Variants in BORCS5 observed in about 807,000 individuals in gnomAD.
BORCS5 encodes the protein BLOC-1-related complex subunit 5.
Under a neutral mutation model 22.1 loss-of-function variants are expected in BORCS5, and 17 were observed. The observed-to-expected ratio is 0.77, with a 90% CI of 0.53 to 1.15. The LOEUF (loss-of-function observed/expected upper bound fraction) is 1.15. Ranked by LOEUF, BORCS5 falls within the 50% of genes most tolerant of loss-of-function variation. The pLI is 0.00. For synonymous variants in BORCS5, 117 were observed against 99.8 expected (o/e 1.17, Z -1.03); for missense variants, 247 against 253.2 (o/e 0.98, Z 0.17).
rs141839535 is a variant in BORCS5, at chr12:12,375,720, A to G, written c.202+14371A>G. ...GAAAGCCAGTGAAATGCAAAGTGAC[A>G]TTTTAAAGAATGCACTTGGATAGAT... On this transcript the variant is annotated intron_variant, in intron 2 of 3. Coordinates refer to ENST00000314565, the MANE Select transcript of BORCS5 (RefSeq NM_058169.6). 8.8e-3 allele frequency among the ~76,000 whole-genome samples: 1,340 copies of G among 152,340 alleles called. 26 individuals carry two copies. Among genetic ancestry groups the G allele is most frequent in the African/African-American group, 0.03 (1,252 of 41,576 alleles).
At chr12:12,439,476 A>G (rs534321586) in intron 3 of BORCS5, among the ~76,000 whole-genome samples, 8 of 150,594 alleles carry the variant, frequency 5.3e-5, no homozygotes, top group South Asian at 2.1e-4. Context: ...AAAAAGACCA[A>G]GAAAAAAAAC....
intron 2 of BORCS5, among the ~76,000 whole-genome samples, chr12:12,397,450 G>A (rs1234083724): frequency 1.3e-5 from 2 of 152,192 alleles, no homozygotes; most frequent in African/African-American, 2.4e-5. Flanking sequence ...CTGGGAATTC[G>A]CTTCTGCATT....
intron 2 of BORCS5, among the ~76,000 whole-genome samples, chr12:12,418,556 G>A (rs182828213): frequency 5.3e-4 from 81 of 152,188 alleles, no homozygotes; most frequent in African/African-American, 1.6e-3. Flanking sequence ...GTGTGATAGC[G>A]CATGTCTGTA....
At chr12:12,366,421 A>G (rs1250155190) in intron 2 of BORCS5, among the ~76,000 whole-genome samples, 4 of 152,208 alleles carry the variant, frequency 2.6e-5, no homozygotes, top group Admixed American at 6.5e-5. Context: ...TTTTGCATAA[A>G]TATACCAGAG....
intron 2 of BORCS5, among the ~76,000 whole-genome samples, chr12:12,409,581 A>G (rs1941672999): frequency 6.6e-6 from 1 of 152,198 alleles, no homozygotes; most frequent in African/African-American, 2.4e-5. Flanking sequence ...ATGGCTGCAT[A>G]GTATTCCATG....
chr12:12,464,396 G>A (rs941662103), intron 3 of BORCS5, among the ~76,000 whole-genome samples: 1 of 152,130 alleles, frequency 6.6e-6, no homozygotes, highest in Non-Finnish European at 1.5e-5. Flanking sequence ...TTGGTCCCCC[G>A]TGTTTTCATG....
chr12:12,373,273 T>C (rs2136032025), intron 2 of BORCS5, among the ~76,000 whole-genome samples: 1 of 152,326 alleles, frequency 6.6e-6, no homozygotes, highest in East Asian at 1.9e-4. Context: ...CTTCCCAGCC[T>C]CCAGAACTGT....
intron 3 of BORCS5, among the ~76,000 whole-genome samples, chr12:12,451,842 C>T (rs1159712592): frequency 2.6e-5 from 4 of 151,058 alleles, no homozygotes; most frequent in African/African-American, 9.7e-5. Context: ...GGCGTGAACC[C>T]AGGAGGCGGA....
At chr12:12,430,150 A>ATTTTTTTTTTTTTTTTTT (rs1565905968) in intron 2 of BORCS5, among the ~76,000 whole-genome samples, 4 of 74,406 alleles carry the variant, frequency 5.4e-5, no homozygotes, top group African/African-American at 3.1e-4. Context: ...CCTTAGAGAA[A>ATTTTTTTTTTTTTTTTTT]ATTTTTTTTT....
At chr12:12,376,922 A>G (rs1010525563) in intron 2 of BORCS5, among the ~76,000 whole-genome samples, 3 of 152,196 alleles carry the variant, frequency 2.0e-5, no homozygotes, top group African/African-American at 7.2e-5. Context: ...TAGCACCTGC[A>G]TTTCTCATAA....
intron 3 of BORCS5, among the ~76,000 whole-genome samples, chr12:12,441,511 G>A (rs1013099885): frequency 2.0e-5 from 3 of 151,156 alleles, no homozygotes; most frequent in African/African-American, 2.4e-5. Context: ...TAGGGACCAC[G>A]CCTGCCATGT....
chr12:12,415,772 A>G (rs1688109627), intron 2 of BORCS5, among the ~76,000 whole-genome samples: 2 of 151,914 alleles, frequency 1.3e-5, no homozygotes, highest in Non-Finnish European at 2.9e-5. Context: ...TGTAAGGTAA[A>G]TTGGTCTACA....
chr12:12,422,287 A>ATT (rs71061064), intron 2 of BORCS5, among the ~76,000 whole-genome samples: 4 of 147,858 alleles, frequency 2.7e-5, no homozygotes, highest in African/African-American at 1.0e-4. Context: ...CTTTTCTTTT[A>ATT]TTTTTTTTTT....
chr12:12,402,065 CAAAAA>C (rs550592058), intron 2 of BORCS5, among the ~76,000 whole-genome samples: 2 of 94,356 alleles, frequency 2.1e-5, no homozygotes, highest in Non-Finnish European at 2.3e-5. Context: ...GACTCCGTCT[CAAAAA>C]AAAAAAAAAA....
intron 2 of BORCS5, among the ~76,000 whole-genome samples, chr12:12,363,930 C>T (rs548997299): frequency 1.3e-5 from 2 of 152,118 alleles, no homozygotes; most frequent in East Asian, 1.9e-4. Context: ...TAACTTTCAA[C>T]TTAGCCAAAA....
At chr12:12,450,197 C>T (rs746828714) in intron 3 of BORCS5, among the ~76,000 whole-genome samples, 12 of 152,210 alleles carry the variant, frequency 7.9e-5, no homozygotes, top group Non-Finnish European at 1.5e-4. Context: ...GTCCTGGCCC[C>T]ATCAGTCCCA....
intron 3 of BORCS5, among the ~76,000 whole-genome samples, chr12:12,442,322 T>C (rs1436277408): frequency 1.3e-5 from 2 of 152,304 alleles, no homozygotes; most frequent in African/African-American, 4.8e-5. Flanking sequence ...TTGCTGTCAG[T>C]GGGTAAATGT....
chr12:12,444,588 A>G (rs1237871018), intron 3 of BORCS5, among the ~76,000 whole-genome samples: 2 of 152,216 alleles, frequency 1.3e-5, no homozygotes, highest in African/African-American at 4.8e-5. Context: ...CCAGGGGTAC[A>G]CTAAATTTTG....
At chr12:12,421,933 C>A (rs549288256) in intron 2 of BORCS5, among the ~76,000 whole-genome samples, 189 of 151,990 alleles carry the variant, frequency 1.2e-3, no homozygotes, top group South Asian at 2.1e-3. Context: ...CTATTTGATT[C>A]TTCTCTCTTT....
Sources: gnomAD v4.1 joint callset for allele counts (sites outside exome capture counted in the v4.1 genomes callset) on GRCh38, gnomAD v4.1.1 for gene constraint, MANE v1.5 for transcripts, NCBI Gene and HGNC (gene_info 2026-07-23, HGNC 2026-07-21) for gene names.